The following AKAP12 variants were observed in gnomAD, a reference collection of about 807,000 sequenced individuals.
The protein encoded by AKAP12 is A-kinase anchoring protein 12, also known as A-kinase anchor protein 12.
A neutral mutation model predicts 79.9 loss-of-function variants in AKAP12; 32 were observed. That is an observed-to-expected ratio of 0.40 (90% CI 0.30 to 0.54). The LOEUF (loss-of-function observed/expected upper bound fraction) is 0.54, where lower values mean the gene tolerates loss of function less well. Ranked by LOEUF, AKAP12 falls within the 20% of genes least tolerant of loss-of-function variation. The probability of loss-of-function intolerance (pLI) is 0.48; values close to 1 mark genes in which losing one functional copy is unlikely to be tolerated. For missense variants in AKAP12, 2,074 were observed against 2,177.0 expected (o/e 0.95, Z 0.94); for synonymous variants, 808 against 857.0 (o/e 0.94, Z 1.00).
chr6:151,290,524 C>T (rs754433820), intron 2 of AKAP12, among the ~76,000 whole-genome samples: 6 of 152,230 alleles, frequency 3.9e-5, no homozygotes, highest in African/African-American at 1.4e-4. Context: ...AGTTCAGTTA[C>T]GACTCCTTGA....
chr6:151,339,856 GT>G (rs1327744643), intron 3 of AKAP12, among the ~76,000 whole-genome samples: 34 of 151,944 alleles, frequency 2.2e-4, no homozygotes, highest in African/African-American at 8.2e-4. Flanking sequence ...TCCTCAGAGC[GT>G]CTTCTTTTGC....
At position 151,345,930 on chromosome 6, in the gene AKAP12, TGTGAGA is replaced by T. The variant is rs764282165; in HGVS notation, c.320-2779_320-2774del. ...GTGTGTGTGTGTGTGTGTGTGTGTG[TGTGAGA>T]GAGAGAGAGAGAGAGAGAGAGAGAG... On this transcript the variant is annotated intron_variant, in intron 3 of 4. Coordinates refer to ENST00000402676, the MANE Select transcript of AKAP12 (RefSeq NM_005100.4). Among the ~76,000 whole-genome samples, 344 of 108,768 alleles carry T rather than the reference TGTGAGA, an allele frequency of 3.2e-3. 2 individuals are homozygous for T. The highest frequency in any genetic ancestry group is 9.9e-3 in the African/African-American group (258 of 25,942). The allele number at this position is 108,768 out of a possible 152,430, so 71.4% of individuals were successfully genotyped here. A position where few individuals can be genotyped will look rare whatever the true frequency, so the allele number is the denominator to read the frequency against.
chr6:151,349,204 G>A lies in AKAP12; in HGVS notation c.813G>A (p.Glu271=), dbSNP rs1292375100. 2 of 1,613,748 alleles carry A rather than the reference G, an allele frequency of 1.2e-6. No homozygotes were observed. The highest frequency in any genetic ancestry group is 1.7e-6 in the Non-Finnish European group (2 of 1,180,020). Residue 271 remains glutamate, a synonymous_variant, in exon 4 of 5, where the codon GAG becomes GAA. Transcript: ENST00000402676. The part of the protein sequence containing the change: ...AVEECKEEGE[E]KQEKEPSKSA... Reference sequence around the variant, plus strand: ...AGGAATGCAAAGAGGAAGGAGAAGAGAAACAAGAAAAAGAACCTAGCAAGT... The same window carrying A: ...AGGAATGCAAAGAGGAAGGAGAAGAAAAACAAGAAAAAGAACCTAGCAAGT...
chr6:151,302,245 C>T (rs532648841), intron 2 of AKAP12, among the ~76,000 whole-genome samples: 4 of 152,182 alleles, frequency 2.6e-5, no homozygotes, highest in South Asian at 4.1e-4. Flanking sequence ...CTCCTGCCCT[C>T]ATGATCTGCC....
chr6:151,288,138 A>G (rs779115423), intron 2 of AKAP12, among the ~76,000 whole-genome samples: 12 of 151,976 alleles, frequency 7.9e-5, no homozygotes, highest in Non-Finnish European at 1.8e-4. Flanking sequence ...GGGTGCAGCA[A>G]ATCACCATGG....
At chr6:151,294,942 C>T (rs905100395) in intron 2 of AKAP12, among the ~76,000 whole-genome samples, 2 of 152,130 alleles carry the variant, frequency 1.3e-5, no homozygotes, top group Non-Finnish European at 2.9e-5. Flanking sequence ...TGATTTCCTC[C>T]TTAGTGGTTC....
At chr6:151,308,854 GT>G (rs1225060189) in intron 3 of AKAP12, among the ~76,000 whole-genome samples, 1 of 152,016 alleles carries the variant, frequency 6.6e-6, no homozygotes. Flanking sequence ...TTTGACATCA[GT>G]GACAGCTCAT....
intron 3 of AKAP12, among the ~76,000 whole-genome samples, chr6:151,306,615 T>C (rs1160211726): frequency 6.6e-6 from 1 of 152,162 alleles, no homozygotes; most frequent in African/African-American, 2.4e-5. Context: ...TCGTGTAATA[T>C]GAATAAGAGA....
At chr6:151,278,918 C>T (rs867307910) in intron 2 of AKAP12, among the ~76,000 whole-genome samples, 38 of 151,182 alleles carry the variant, frequency 2.5e-4, no homozygotes, top group African/African-American at 9.0e-4. Flanking sequence ...CCGCCTGCCC[C>T]GGCCTCCCAA....
At chr6:151,341,593 A>G (rs145136225) in intron 3 of AKAP12, 27,025 of 629,158 alleles carry the variant, frequency 0.043, 654 homozygotes, top group Non-Finnish European at 0.049. Context: ...GAGCTATGGC[A>G]GCCGGCAGGG....
Position 151,351,973 on chromosome 6 carries a change from C to G in AKAP12, c.3582C>G (p.Ile1194Met), listed in dbSNP as rs760470440. 1 of 1,613,956 alleles carries G rather than the reference C, an allele frequency of 6.2e-7. No individual in the cohort carries two copies. The highest frequency in any genetic ancestry group is 8.5e-7 in the Non-Finnish European group (1 of 1,180,034). Residue 1194 changes from isoleucine (I) to methionine (M), a missense_variant, in exon 4 of 5, where the codon ATC (isoleucine) becomes ATG (methionine). Around this residue, in one of 3 missense-constraint regions of AKAP12, gnomAD observed 32 missense variants for 60.4 expected, o/e 0.53. Transcript: ENST00000402676. The surrounding 1 kb of genome is among the most constrained non-coding windows in gnomAD (Gnocchi z 4.4). ...CCCAGAAAGACGAGATTGTGGAAAT[C>G]CATGAGGAGAATGAGGTCGCATCTG... is the stretch of plus-strand genomic sequence containing the variant. ...GTTQKDEIVEIHEENEVASGT... is the reference protein window; with the variant it reads ...GTTQKDEIVEMHEENEVASGT...
rs907338049 is a variant in AKAP12, at chr6:151,247,175, G to T, written c.162+6451G>T. Among the ~76,000 whole-genome samples the T allele has an allele frequency of 6.6e-5, 10 of 152,118 alleles. 1 individual carries two copies. Among genetic ancestry groups the T allele is most frequent in the South Asian group, 4.1e-4 (2 of 4,820 alleles). On this transcript the variant is annotated intron_variant, in intron 2 of 4. Transcript: ENST00000402676. ...CTCAGCACTTTGAGAGGCCAAGAAGGGAGGATCACTTGAGAGAAAGTTCAA... is the reference window on the plus strand; with the variant it reads ...CTCAGCACTTTGAGAGGCCAAGAAGTGAGGATCACTTGAGAGAAAGTTCAA...
chr6:151,257,550 G>T (rs952770772), intron 2 of AKAP12, among the ~76,000 whole-genome samples: 16 of 152,122 alleles, frequency 1.1e-4, no homozygotes, highest in African/African-American at 3.6e-4. Flanking sequence ...ACCCACCCCA[G>T]CTTCCCAAAA....
At chr6:151,341,703 C>T (rs915752653) in intron 3 of AKAP12, 1 of 1,253,494 alleles carries the variant, frequency 8.0e-7, no homozygotes, top group Admixed American at 2.6e-5. Flanking sequence ...AGCACGTGCA[C>T]CCAAGCGGCA....
intron 2 of AKAP12, among the ~76,000 whole-genome samples, chr6:151,287,360 A>T (rs899012831): frequency 3.3e-5 from 5 of 152,062 alleles, no homozygotes; most frequent in Admixed American, 6.5e-5. Flanking sequence ...CCTTGGTCTC[A>T]GGTGATCCTC....
At chr6:151,331,448 CTTTCA>C (rs1777664278) in intron 3 of AKAP12, among the ~76,000 whole-genome samples, 1 of 152,172 alleles carries the variant, frequency 6.6e-6, no homozygotes, top group Admixed American at 6.5e-5. Flanking sequence ...TTAAGGATAA[CTTTCA>C]TTTATCTTAG....
intron 2 of AKAP12, among the ~76,000 whole-genome samples, chr6:151,268,847 A>G (rs1055412601): frequency 2.0e-5 from 3 of 147,384 alleles, no homozygotes; most frequent in African/African-American, 5.0e-5. Flanking sequence ...TTTCACCATG[A>G]TGGCCAGGCT....
At chr6:151,256,783 G>A (rs1469203874) in intron 2 of AKAP12, among the ~76,000 whole-genome samples, 2 of 151,696 alleles carry the variant, frequency 1.3e-5, no homozygotes, top group African/African-American at 4.8e-5. Context: ...TCAAGTATCT[G>A]GAACTACAGG....
At chr6:151,263,466 T>G (rs1327533495) in intron 2 of AKAP12, among the ~76,000 whole-genome samples, 1 of 152,258 alleles carries the variant, frequency 6.6e-6, no homozygotes, top group East Asian at 1.9e-4. Context: ...TAACTCTGTA[T>G]CCATGCAAAA....
Sources: allele counts gnomAD v4.1 joint callset (sites outside exome capture counted in the v4.1 genomes callset), GRCh38; gene constraint gnomAD v4.1.1; regional missense constraint gnomAD v4.1.1; non-coding constraint Gnocchi (gnomAD v3.1); transcripts MANE v1.5; gene names NCBI Gene and HGNC (gene_info 2026-07-23, HGNC 2026-07-21).